The following NCAM2 variants were observed in gnomAD, a reference collection of about 807,000 sequenced individuals.
NCAM2 encodes N-CAM-2.
NCAM2 carries 30 observed loss-of-function variants against 98.1 expected under a neutral mutation model. The ratio of observed to expected loss-of-function variants is 0.31; its 90% confidence interval spans 0.23 to 0.41. The LOEUF is 0.41. NCAM2 is among the 10% of genes least tolerant of loss of function. The pLI, the probability that NCAM2 is intolerant of heterozygous loss-of-function variation, is 1.00. For synonymous variants in NCAM2, 368 were observed against 342.4 expected (o/e 1.07, Z -0.83); for missense variants, 867 against 1,005.8 (o/e 0.86, Z 1.87).
At chr21:21,404,397 G>A (rs953308596) in intron 9 of NCAM2, among the ~76,000 whole-genome samples, 2 of 152,174 alleles carry the variant, frequency 1.3e-5, no homozygotes, top group East Asian at 1.9e-4. Context: ...TAAGTCTCAC[G>A]AGAGCTGATG....
At chr21:21,515,870 G>A (rs1988680695) in intron 16 of NCAM2, among the ~76,000 whole-genome samples, 1 of 152,096 alleles carries the variant, frequency 6.6e-6, no homozygotes, top group Admixed American at 6.6e-5. Flanking sequence ...TATAACTGAA[G>A]AAGACGGCAA....
intron 1 of NCAM2, among the ~76,000 whole-genome samples, chr21:21,232,126 TAGAG>T (rs1187475962): frequency 2.6e-5 from 4 of 151,460 alleles, no homozygotes; most frequent in Admixed American, 6.6e-5. Flanking sequence ...ACTTGACTCA[TAGAG>T]AGGATCAGAA....
intron 1 of NCAM2, among the ~76,000 whole-genome samples, chr21:21,220,002 A>T (rs1236743441): frequency 6.6e-6 from 1 of 152,184 alleles, no homozygotes; most frequent in Non-Finnish European, 1.5e-5. Flanking sequence ...GAAAGAAAGC[A>T]TTTATGTACA....
chr21:21,473,393 T>TATATATATATATATATATA (rs1555903518), intron 14 of NCAM2, among the ~76,000 whole-genome samples: 2 of 126,256 alleles, frequency 1.6e-5, no homozygotes, highest in African/African-American at 5.9e-5. Flanking sequence ...TATATATATA[T>TATATATATATATATATATA]TATATATAAA....
chr21:21,423,576 A>G (rs1262229544), intron 11 of NCAM2, among the ~76,000 whole-genome samples: 2 of 152,070 alleles, frequency 1.3e-5, no homozygotes, highest in Admixed American at 6.6e-5. Context: ...AATTCATTTG[A>G]CTTTTGTTAT....
intron 1 of NCAM2, among the ~76,000 whole-genome samples, chr21:21,137,347 A>T (rs1168533963): frequency 1.3e-5 from 2 of 152,264 alleles, no homozygotes; most frequent in African/African-American, 4.8e-5. Flanking sequence ...GTATTTACAT[A>T]TTGTGGCATT....
chr21:21,098,017 T>A (rs967038238), intron 1 of NCAM2, among the ~76,000 whole-genome samples: 1 of 26,890 alleles, frequency 3.7e-5, no homozygotes, highest in East Asian at 1.8e-3. Flanking sequence ...CGAAATACAA[T>A]GAAAAGAATT....
At chr21:21,263,096 C>G (rs1457740007) in intron 1 of NCAM2, among the ~76,000 whole-genome samples, 1 of 152,072 alleles carries the variant, frequency 6.6e-6, no homozygotes, top group East Asian at 1.9e-4. Flanking sequence ...GATCCTATAC[C>G]TAGAAAACAC....
intron 1 of NCAM2, among the ~76,000 whole-genome samples, chr21:21,031,065 A>G (rs1012895195): frequency 3.3e-5 from 5 of 152,182 alleles, no homozygotes; most frequent in Admixed American, 1.3e-4. Context: ...ACTGCATAGT[A>G]CTTTATTCTT....
chr21:21,180,212 G>T (rs2068425609), intron 1 of NCAM2, among the ~76,000 whole-genome samples: 1 of 152,024 alleles, frequency 6.6e-6, no homozygotes, highest in African/African-American at 2.4e-5. Flanking sequence ...GTTACACAGT[G>T]TTACATTTTT....
intron 1 of NCAM2, among the ~76,000 whole-genome samples, chr21:21,116,838 G>A (rs1246434285): frequency 6.6e-6 from 1 of 151,054 alleles, no homozygotes; most frequent in African/African-American, 2.4e-5. Flanking sequence ...CTGGGCGACA[G>A]AGCCAGACTC....
chr21:21,380,828 C>T (rs1486173067), intron 9 of NCAM2, among the ~76,000 whole-genome samples: 1 of 152,164 alleles, frequency 6.6e-6, no homozygotes, highest in African/African-American at 2.4e-5. Flanking sequence ...GTAAAGGTGT[C>T]AGTATCTTTG....
At chr21:21,224,799 A>G (rs1425009245) in intron 1 of NCAM2, among the ~76,000 whole-genome samples, 3 of 152,132 alleles carry the variant, frequency 2.0e-5, no homozygotes, top group Non-Finnish European at 4.4e-5. Flanking sequence ...CCTCTTAGCA[A>G]TTGTAAAACC....
intron 12 of NCAM2, among the ~76,000 whole-genome samples, chr21:21,452,950 C>CTATATATTATATATTATATATTAT (rs1423503601): frequency 1.4e-5 from 1 of 73,954 alleles, no homozygotes; most frequent in Non-Finnish European, 2.4e-5. Flanking sequence ...ATAATTTATA[C>CTATATATTATATATTATATATTAT]TATATATTAT....
chr21:21,233,171 T>G (rs982925287), intron 1 of NCAM2, among the ~76,000 whole-genome samples: 3 of 151,576 alleles, frequency 2.0e-5, no homozygotes, highest in African/African-American at 7.3e-5. Flanking sequence ...AAGTTCTTCT[T>G]TCTTTGTTTT....
Position 21,442,026 on chromosome 21 carries a change from C to T in NCAM2, c.1654+9745C>T, listed in dbSNP as rs904787565. 2.6e-5 allele frequency among the ~76,000 whole-genome samples: 4 copies of T among 152,210 alleles called. No homozygotes were observed. In the East Asian group the frequency reaches 5.8e-4, roughly 22 times the overall value. ...TAGACTTCATTTTAACAAGATGACC[C>T]GATATTTACATACACATTAAAGTTC... On this transcript the variant is annotated intron_variant, in intron 12 of 17. Transcript: ENST00000400546.
In NCAM2 at chr21:21,065,319, C is replaced by T. The variant is rs147568359; in HGVS notation, c.55+66701C>T. Among the ~76,000 whole-genome samples, 319 of 152,244 alleles carry T rather than the reference C, an allele frequency of 2.1e-3. 4 individuals carry two copies. The highest frequency in any genetic ancestry group is 0.015 in the Admixed American group (232 of 15,284). On this transcript the variant is annotated intron_variant, in intron 1 of 17. Transcript: ENST00000400546. ...CATTTAACAAGCAATTATATTAAAA[C>T]CCTAAGTCATCTGGGTCTTTTTTTT... is the stretch of plus-strand genomic sequence containing the variant.
chr21:20,999,514 C>G (rs1420437989), intron 1 of NCAM2, among the ~76,000 whole-genome samples: 1 of 152,086 alleles, frequency 6.6e-6, no homozygotes, highest in Non-Finnish European at 1.5e-5. Flanking sequence ...TTTCAACTGT[C>G]CAGACAAGTT....
chr21:21,358,036 A>G (rs1168251763), intron 8 of NCAM2, among the ~76,000 whole-genome samples: 1 of 152,150 alleles, frequency 6.6e-6, no homozygotes, highest in African/African-American at 2.4e-5. Context: ...CAGAGATTAT[A>G]GATAATAGCA....
Sources: allele counts gnomAD v4.1 joint callset (sites outside exome capture counted in the v4.1 genomes callset), GRCh38; gene constraint gnomAD v4.1.1; transcripts MANE v1.5; gene names NCBI Gene and HGNC (gene_info 2026-07-23, HGNC 2026-07-21).